SMYD2: variants seen among roughly 807,000 people sequenced by gnomAD.
The protein encoded by SMYD2 is SET and MYND domain containing 2, also known as N-lysine methyltransferase SMYD2.
A neutral mutation model predicts 59.1 loss-of-function variants in SMYD2; 53 were observed. That is an observed-to-expected ratio of 0.90 (90% CI 0.72 to 1.13). The LOEUF (loss-of-function observed/expected upper bound fraction) is 1.13, where lower values mean the gene tolerates loss of function less well. Among genes scored for constraint, SMYD2 ranks in the 50% most tolerant of loss-of-function variants. SMYD2 has a pLI of 0.00. For synonymous variants in SMYD2, 208 were observed against 198.8 expected, an observed-to-expected ratio of 1.05 and a Z score of -0.39; for missense variants, 494 against 544.7, an observed-to-expected ratio of 0.91 and a Z score of 0.93.
Position 214,330,169 on chromosome 1 carries a change from T to A in SMYD2, c.707T>A (p.Val236Asp). 1 of 1,600,036 alleles carries A rather than the reference T, an allele frequency of 6.2e-7. No individual in the cohort carries two copies. Among genetic ancestry groups the A allele is most frequent in the East Asian group, 2.2e-5 (1 of 44,568 alleles). ...GCTTTATCTTTTTGGACCCCGTAGG[T>A]TTTTACCAGCTATATTGATCTCCTG... ...AVQEIKPGEE[V>D]FTSYIDLLYP... The change falls in exon 8 of 12, where the codon GTT (valine) becomes GAT (aspartate). Residue 236 changes from valine (V) to aspartate (D), a missense_variant and splice_region_variant. Coordinates refer to ENST00000366957, the MANE Select transcript of SMYD2 (RefSeq NM_020197.3).
At chr1:214,320,056 AAGGAGGAAAGGAG>A (rs1657145684) in intron 5 of SMYD2, among the ~76,000 whole-genome samples, 1 of 152,198 alleles carries the variant, frequency 6.6e-6, no homozygotes, top group Non-Finnish European at 1.5e-5. Flanking sequence ...AGAAAGAAGG[AAGGAGGAAAGGAG>A]AGGAGGAAGG....
chr1:214,304,037 G>T (rs909208662), intron 1 of SMYD2, among the ~76,000 whole-genome samples: 3 of 152,238 alleles, frequency 2.0e-5, no homozygotes, highest in African/African-American at 7.2e-5. Context: ...TTAATTCAGT[G>T]GCTTTTCAGC....
At chr1:214,281,539 T>TG (rs1656446923) in intron 1 of SMYD2, 112 bp downstream of exon 1, 3 of 153,892 alleles carry the variant, frequency 1.9e-5, no homozygotes, top group African/African-American at 1.2e-4. Flanking sequence ...CGCCGGCCCT[T>TG]GGGGCGGGGT....
chr1:214,293,352 T>G (rs989693740), intron 1 of SMYD2, among the ~76,000 whole-genome samples: 1 of 151,854 alleles, frequency 6.6e-6, no homozygotes, highest in Non-Finnish European at 1.5e-5. Flanking sequence ...CCGCACCCGG[T>G]CCAAAGCTTT....
chr1:214,318,747 G>A lies in SMYD2; in HGVS notation c.410-112G>A, dbSNP rs2102471125. 1 of 1,265,226 alleles carries A rather than the reference G, an allele frequency of 7.9e-7. No individual in the cohort carries two copies. The highest frequency in any genetic ancestry group is 2.5e-5 in the East Asian group (1 of 40,494). 78.4% of individuals were successfully genotyped at this position (1,265,226 alleles called of 1,614,324 possible). ...CTGGGGGTTCAACATGTTAGTTTTG[G>A]GTTTTTTTTTTTTCGCCCGTTCCTT... On this transcript the variant is annotated intron_variant, in intron 4 of 11. Coordinates refer to ENST00000366957, the MANE Select transcript of SMYD2 (RefSeq NM_020197.3). The surrounding 1 kb of genome is among the most constrained non-coding windows in gnomAD (Gnocchi z 5.4).
intron 9 of SMYD2, 34 bp from the exon 10 acceptor site, chr1:214,331,984 G>C: frequency 6.3e-7 from 1 of 1,596,118 alleles, no homozygotes; most frequent in South Asian, 1.1e-5. Flanking sequence ...CAGGCAGCTT[G>C]GGCCCGGTGG....
At chr1:214,309,773 A>T (rs1013976548) in intron 2 of SMYD2, among the ~76,000 whole-genome samples, 3 of 152,216 alleles carry the variant, frequency 2.0e-5, no homozygotes, top group African/African-American at 7.2e-5. Flanking sequence ...AATCTTTAAC[A>T]TCACCAGTAG....
intron 2 of SMYD2, among the ~76,000 whole-genome samples, chr1:214,313,907 G>A (rs572895684): frequency 6.6e-6 from 1 of 152,226 alleles, no homozygotes; most frequent in African/African-American, 2.4e-5. Flanking sequence ...GGCCAGGCAC[G>A]GTGGCTCACG....
chr1:214,334,048 G>T (rs111248511), intron 10 of SMYD2, 152 bp from the exon 11 acceptor site: 4 of 588,278 alleles, frequency 6.8e-6, no homozygotes, highest in Admixed American at 2.9e-5. Context: ...CAGCATCCAC[G>T]CTCTCCACCC....
chr1:214,328,856 C>G (rs1657303741), intron 7 of SMYD2, among the ~76,000 whole-genome samples: 1 of 152,174 alleles, frequency 6.6e-6, no homozygotes, highest in Non-Finnish European at 1.5e-5. Flanking sequence ...GGAGACTGCT[C>G]TGAAGCCTTT....
chr1:214,312,090 A>C lies in SMYD2; in HGVS notation c.238-2672A>C, dbSNP rs558733459. ...TGCTCTCATTTTAGGCTTTGGCTAA[A>C]AACAGATTCTCTTCTCCCTTGTGCA... On this transcript the variant is annotated intron_variant, in intron 2 of 11. Transcript: ENST00000366957. This position sits in a 1 kb window ranked among gnomAD's most constrained non-coding sequence, Gnocchi z 4.1. Among the ~76,000 whole-genome samples the C allele has an allele frequency of 2.6e-5, 4 of 152,336 alleles. No homozygotes were observed. In the South Asian group the frequency reaches 8.3e-4, roughly 32 times the overall value.
intron 1 of SMYD2, among the ~76,000 whole-genome samples, chr1:214,303,902 T>A (rs1656870537): frequency 6.6e-6 from 1 of 152,222 alleles, no homozygotes; most frequent in Non-Finnish European, 1.5e-5. Context: ...TCTCCACAAG[T>A]CCAGAAGCTG....
At chr1:214,306,071 C>A (rs1462978875) in intron 2 of SMYD2, among the ~76,000 whole-genome samples, 6 of 152,086 alleles carry the variant, frequency 3.9e-5, no homozygotes, top group Admixed American at 3.9e-4. Context: ...TCTCTGGACA[C>A]CCCGTGGCAT....
chr1:214,331,288 G>C lies in SMYD2; in HGVS notation c.937+218G>C, dbSNP rs748520766. ...TATTTCCCCTTATTTTGGCTAGTTT[G>C]GCTGGGAGCCCCATGTGGTGGAGGA... is the stretch of plus-strand genomic sequence containing the variant. On this transcript the variant is annotated intron_variant, in intron 9 of 11. Transcript: ENST00000366957. 22 of 596,602 alleles carry C rather than the reference G, an allele frequency of 3.7e-5. No homozygotes were observed. The Middle Eastern group carries it at 4.0e-3, about 108-fold the overall frequency. The allele number at this position is 596,602 out of a possible 1,614,324, so 37.0% of individuals were successfully genotyped here. A position where few individuals can be genotyped will look rare whatever the true frequency, so the allele number is the denominator to read the frequency against.
At chr1:214,324,601 C>G (rs774226633) in intron 5 of SMYD2, 40 bp from the exon 6 acceptor site, 1 of 1,533,844 alleles carries the variant, frequency 6.5e-7, no homozygotes, top group East Asian at 2.3e-5. Context: ...GAAAGAAGCT[C>G]CAGCTCATTT....
intron 11 of SMYD2, among the ~76,000 whole-genome samples, chr1:214,335,626 A>G (rs567939060): frequency 6.6e-6 from 1 of 152,356 alleles, no homozygotes. Context: ...GAGCAAATAC[A>G]TTCTTAGAGA....
Position 214,324,671 on chromosome 1 carries a change from G to T in SMYD2, c.565G>T (p.Glu189Ter). The change falls in exon 6 of 12, where the codon GAA becomes TAA. Residue 189 changes from glutamate to a stop codon, truncating the protein, a stop_gained. Coordinates refer to ENST00000366957, the MANE Select transcript of SMYD2 (RefSeq NM_020197.3). LOFTEE classifies it high-confidence loss of function. ...CTGTAATGGCTTCACAATTGAAGAT[G>T]AAGAACTTTCTCATTTGGGATCAGC... Reference protein sequence around the residue: ...VNCNGFTIEDEELSHLGSAIF... With the variant: ...VNCNGFTIED The T allele has an allele frequency of 1.2e-6, 2 of 1,612,982 alleles. No homozygotes were observed. The highest frequency in any genetic ancestry group is 1.7e-6 in the Non-Finnish European group (2 of 1,179,534).
intron 5 of SMYD2, among the ~76,000 whole-genome samples, chr1:214,320,228 A>T (rs1157697685): frequency 1.3e-5 from 2 of 152,252 alleles, no homozygotes; most frequent in East Asian, 3.8e-4. Context: ...GGAAATGCTG[A>T]TGACATAACA....
chr1:214,314,342 C>T (rs1486927991), intron 2 of SMYD2, among the ~76,000 whole-genome samples: 1 of 152,104 alleles, frequency 6.6e-6, no homozygotes, highest in Non-Finnish European at 1.5e-5. Context: ...GTCAACTCTC[C>T]ATTATTTGCC....
Sources: gnomAD v4.1 joint callset for allele counts (sites outside exome capture counted in the v4.1 genomes callset) on GRCh38, gnomAD v4.1.1 for gene constraint, Gnocchi (gnomAD v3.1) non-coding constraint, MANE v1.5 for transcripts, NCBI Gene and HGNC (gene_info 2026-07-23, HGNC 2026-07-21) for gene names.